Variants in NEDD9 observed in about 807,000 individuals in gnomAD.
NEDD9 encodes enhancer of filamentation 1.
In NEDD9, 26 loss-of-function variants were observed where a neutral mutation model predicts 76.6. The ratio of observed to expected loss-of-function variants is 0.34; its 90% CI spans 0.25 to 0.47. The LOEUF is 0.47. NEDD9 is among the 20% of genes least tolerant of loss of function. NEDD9 has a pLI of 1.00. For synonymous variants in NEDD9, 392 were observed against 414.2 expected, an observed-to-expected ratio of 0.95 and a Z score of 0.65; for missense variants, 937 against 1,058.5, an observed-to-expected ratio of 0.89 and a Z score of 1.59.
At chr6:11,305,960 C>G in intron 3 of NEDD9, 2 of 1,613,076 alleles carry the variant, frequency 1.2e-6, no homozygotes, top group South Asian at 1.1e-5. Flanking sequence ...AGGGGAATCA[C>G]AAATTGTCTG....
intron 1 of NEDD9, among the ~76,000 whole-genome samples, chr6:11,348,538 A>G (rs1241680822): frequency 6.6e-6 from 1 of 152,240 alleles, no homozygotes; most frequent in Non-Finnish European, 1.5e-5. Flanking sequence ...ACTATACTAC[A>G]GGGCTACAGT....
At position 11,280,664 on chromosome 6, in the gene NEDD9, G is replaced by A. The variant is rs75049237; in HGVS notation, c.12+25328C>T. Reference sequence around the variant, plus strand: ...ACATTTTCCCCTGCCTCTCCCATCCGTACAAGGCCACTGTGGCTTGGCTAT... The same window carrying A: ...ACATTTTCCCCTGCCTCTCCCATCCATACAAGGCCACTGTGGCTTGGCTAT... On this transcript the variant is annotated intron_variant, in intron 3 of 3. Transcript: ENST00000397378. Among the ~76,000 whole-genome samples, 1,472 of 152,326 alleles carry A rather than the reference G, an allele frequency of 9.7e-3. 18 individuals carry two copies. The highest frequency in any genetic ancestry group is 0.048 in the South Asian group (231 of 4,826).
At chr6:11,364,530 C>T (rs1167848505) in intron 1 of NEDD9, among the ~76,000 whole-genome samples, 1 of 151,968 alleles carries the variant, frequency 6.6e-6, no homozygotes, top group Admixed American at 6.5e-5. Context: ...GTAACTATAC[C>T]AAGGCCACAC....
At chr6:11,248,235 GAA>G (rs1237848664) in intron 3 of NEDD9, among the ~76,000 whole-genome samples, 2 of 151,496 alleles carry the variant, frequency 1.3e-5, no homozygotes, top group African/African-American at 4.9e-5. Flanking sequence ...AAAAAAAAAA[GAA>G]AGAAAGAAAG....
At position 11,320,926 on chromosome 6, in the gene NEDD9, G is replaced by T. The variant is rs374243867; in HGVS notation, c.-153+13575C>A. Among the ~76,000 whole-genome samples the T allele has an allele frequency of 7.0e-4, 107 of 152,030 alleles. No homozygotes were observed. In the Middle Eastern group the frequency reaches 0.014, roughly 19 times the overall value. ...ACTTGTGTGTATGAATGTGTGTATG[G>T]CAGGGGTGGGGTGGGGGTAGGTGGC... On this transcript the variant is annotated intron_variant, in intron 2 of 3. Transcript: ENST00000397378.
At chr6:11,351,436 G>A (rs952214543) in intron 1 of NEDD9, among the ~76,000 whole-genome samples, 1 of 152,142 alleles carries the variant, frequency 6.6e-6, no homozygotes, top group African/African-American at 2.4e-5. Context: ...ATTGGCATTT[G>A]AGAAAACAGC....
chr6:11,239,590 T>C (rs936289475), intron 3 of NEDD9, among the ~76,000 whole-genome samples: 5 of 152,202 alleles, frequency 3.3e-5, no homozygotes, highest in Non-Finnish European at 7.3e-5. Flanking sequence ...TGCTTGATTC[T>C]TTATATACTG....
intron 3 of NEDD9, among the ~76,000 whole-genome samples, chr6:11,276,420 C>T (rs149456750): frequency 3.0e-4 from 46 of 152,240 alleles, no homozygotes; most frequent in Non-Finnish European, 5.4e-4. Flanking sequence ...CGTGTGTGTG[C>T]GCACGCGCAC....
At chr6:11,354,780 A>C (rs1762534257) in intron 1 of NEDD9, among the ~76,000 whole-genome samples, 1 of 152,162 alleles carries the variant, frequency 6.6e-6, no homozygotes, top group South Asian at 2.1e-4. Flanking sequence ...GGGGGCTGCA[A>C]CTGGTTTAGG....
chr6:11,250,674 T>C (rs1049449594), intron 3 of NEDD9, among the ~76,000 whole-genome samples: 2 of 152,174 alleles, frequency 1.3e-5, no homozygotes, highest in African/African-American at 4.8e-5. Flanking sequence ...CTTTTGAGCT[T>C]GACAATGACT....
intron 3 of NEDD9, among the ~76,000 whole-genome samples, chr6:11,276,989 TAG>T (rs1760431254): frequency 6.6e-6 from 1 of 151,690 alleles, no homozygotes; most frequent in Admixed American, 6.6e-5. Context: ...GAAATGAAAA[TAG>T]AGTCACTGCA....
chr6:11,206,436 A>C (rs767359430), intron 2 of NEDD9, among the ~76,000 whole-genome samples: 3 of 152,146 alleles, frequency 2.0e-5, no homozygotes, highest in Non-Finnish European at 2.9e-5. Flanking sequence ...AAAAAAAAAG[A>C]TGTGTTCAAC....
chr6:11,331,961 G>A (rs191623070), intron 2 of NEDD9, among the ~76,000 whole-genome samples: 10 of 152,292 alleles, frequency 6.6e-5, no homozygotes, highest in South Asian at 2.1e-4. Context: ...AAACTGATCC[G>A]CTCTAAGTCT....
chr6:11,301,498 A>C (rs1213761142), intron 3 of NEDD9, among the ~76,000 whole-genome samples: 1 of 152,248 alleles, frequency 6.6e-6, no homozygotes, highest in East Asian at 1.9e-4. Flanking sequence ...GCTTGAACTC[A>C]GCTCTGCACC....
At position 11,217,865 on chromosome 6, in the gene NEDD9, G is replaced by T. The variant is rs115545245; in HGVS notation, c.13-4138C>A. 1.2e-3 allele frequency among the ~76,000 whole-genome samples: 186 copies of T among 152,316 alleles called. 1 individual carries two copies. The highest frequency in any genetic ancestry group is 4.3e-3 in the African/African-American group (178 of 41,578). ...CCTGATTGCAGCAGCCTCTAGCCTTGATCCCCAGCCCAAGCTTCCTTGAAA... is the reference window on the plus strand; with the variant it reads ...CCTGATTGCAGCAGCCTCTAGCCTTTATCCCCAGCCCAAGCTTCCTTGAAA... On this transcript the variant is annotated intron_variant, in intron 1 of 6. Transcript: ENST00000379446.
intron 3 of NEDD9, among the ~76,000 whole-genome samples, chr6:11,284,275 C>T (rs368275058): frequency 1.2e-3 from 188 of 151,398 alleles, no homozygotes; most frequent in African/African-American, 4.0e-3. Flanking sequence ...ACTGGCTGGG[C>T]GCAGTGTCAG....
intron 3 of NEDD9, among the ~76,000 whole-genome samples, chr6:11,239,680 C>T (rs994365537): frequency 1.2e-4 from 18 of 152,122 alleles, no homozygotes; most frequent in Admixed American, 2.0e-4. Context: ...GACCTTACCC[C>T]GAACTACCTC....
intron 3 of NEDD9, among the ~76,000 whole-genome samples, chr6:11,298,604 T>G (rs1253152628): frequency 6.6e-6 from 1 of 152,236 alleles, no homozygotes; most frequent in Non-Finnish European, 1.5e-5. Flanking sequence ...TGTCTCAGTT[T>G]AGTAATGTTG....
rs190769791 is a variant in NEDD9, at chr6:11,354,185, G to T, written c.-213-19624C>A. Among the ~76,000 whole-genome samples, 217 of 152,310 alleles carry T rather than the reference G, an allele frequency of 1.4e-3. 1 individual carries two copies. The highest frequency in any genetic ancestry group is 4.7e-3 in the African/African-American group (197 of 41,560). On this transcript the variant is annotated intron_variant, in intron 1 of 3. Coordinates refer to the NEDD9 transcript ENST00000397378. ...TGAATTACAGGAAGAAAGGCAGGAA[G>T]AAAAAGAAAGAGCTCTGGGGCTATT...
Sources: allele counts gnomAD v4.1 joint callset (sites outside exome capture counted in the v4.1 genomes callset), GRCh38; gene constraint gnomAD v4.1.1; transcripts MANE v1.5; gene names NCBI Gene and HGNC (gene_info 2026-07-23, HGNC 2026-07-21).